MYZAP: variants seen among roughly 807,000 people sequenced by gnomAD.
The protein encoded by MYZAP is myocardial zonula adherens protein.
MYZAP carries 66 observed loss-of-function variants against 69.4 expected under a neutral mutation model. That is an observed-to-expected ratio of 0.95 (90% CI 0.78 to 1.17). The LOEUF (loss-of-function observed/expected upper bound fraction) is 1.17. MYZAP is among the 50% of genes most tolerant of loss of function. The pLI, the probability that MYZAP is intolerant of heterozygous loss-of-function variation, is 0.00. For synonymous variants in MYZAP, 256 were observed against 205.9 expected, an observed-to-expected ratio of 1.24 and a Z score of -2.09; for missense variants, 611 against 556.2, an observed-to-expected ratio of 1.10 and a Z score of -0.99.
At chr15:57,660,660 A>G (rs1377973393) in intron 10 of MYZAP, among the ~76,000 whole-genome samples, 1 of 152,166 alleles carries the variant, frequency 6.6e-6, no homozygotes, top group African/African-American at 2.4e-5. Flanking sequence ...CAAATTTAAT[A>G]TACAGGATTT....
chr15:57,665,845 T>C (rs1370762312), intron 11 of MYZAP, among the ~76,000 whole-genome samples: 2 of 152,210 alleles, frequency 1.3e-5, no homozygotes, highest in Non-Finnish European at 2.9e-5. Context: ...AATTTACTAG[T>C]GCACCATTAG....
In MYZAP at chr15:57,611,385, C is replaced by T. The variant is rs539851455; in HGVS notation, c.163-6648C>T. On this transcript the variant is annotated intron_variant, in intron 2 of 12. Coordinates refer to ENST00000267853, the MANE Select transcript of MYZAP (RefSeq NM_001018100.5). ...TTTACATTTTATCAGTCAAGGTTAC[C>T]GAAGGTGTGTACTATACCCCTGGGT... 3.2e-4 allele frequency among the ~76,000 whole-genome samples: 48 copies of T among 152,230 alleles called. 1 individual carries two copies. The South Asian group carries it at 8.7e-3, about 28-fold the overall frequency.
At chr15:57,678,898 C>T (rs980334849) in intron 12 of MYZAP, among the ~76,000 whole-genome samples, 3 of 151,790 alleles carry the variant, frequency 2.0e-5, no homozygotes, top group Admixed American at 6.6e-5. Context: ...ATTTAGTTGC[C>T]GGGTGTGGTG....
chr15:57,624,148 C>T lies in MYZAP; in HGVS notation c.412-1631C>T, dbSNP rs115437508. 7.0e-3 allele frequency among the ~76,000 whole-genome samples: 1,063 copies of T among 152,262 alleles called. 7 individuals are homozygous for T. Among genetic ancestry groups the T allele is most frequent in the African/African-American group, 0.023 (970 of 41,562 alleles). On this transcript the variant is annotated intron_variant, in intron 4 of 12. Transcript: ENST00000267853. Reference sequence around the variant, plus strand: ...TGAAAAATTTAAGAAAAATAACCTTCTTCTAGTTTAGCCAAGCTAATGCTT... The same window carrying T: ...TGAAAAATTTAAGAAAAATAACCTTTTTCTAGTTTAGCCAAGCTAATGCTT...
chr15:57,678,646 AC>A (rs2039264371), intron 12 of MYZAP, among the ~76,000 whole-genome samples: 1 of 151,874 alleles, frequency 6.6e-6, no homozygotes, highest in Admixed American at 6.6e-5. Flanking sequence ...CTCTCTAGAC[AC>A]CCCGTCTAGA....
chr15:57,618,890 T>C (rs551040680), intron 3 of MYZAP, among the ~76,000 whole-genome samples: 1 of 152,310 alleles, frequency 6.6e-6, no homozygotes, highest in Admixed American at 6.5e-5. Context: ...GATGGCCTGC[T>C]CTGACACTGA....
chr15:57,628,877 G>C (rs898973912), intron 5 of MYZAP, among the ~76,000 whole-genome samples: 3 of 152,080 alleles, frequency 2.0e-5, no homozygotes, highest in African/African-American at 7.2e-5. Context: ...GAGGTCAGGA[G>C]TTCGAGACCA....
intron 2 of MYZAP, among the ~76,000 whole-genome samples, chr15:57,614,123 G>C (rs990892095): frequency 6.6e-6 from 1 of 152,170 alleles, no homozygotes; most frequent in Non-Finnish European, 1.5e-5. Context: ...TTAACTGTCT[G>C]TTCCTCCATC....
intron 2 of MYZAP, among the ~76,000 whole-genome samples, chr15:57,611,523 A>G (rs1468615429): frequency 1.3e-5 from 2 of 152,052 alleles, no homozygotes; most frequent in African/African-American, 2.4e-5. Flanking sequence ...CTAGCTGCAC[A>G]CTAGTCTGCA....
intron 12 of MYZAP, among the ~76,000 whole-genome samples, chr15:57,681,107 A>C (rs987560952): frequency 3.9e-5 from 6 of 152,228 alleles, no homozygotes; most frequent in African/African-American, 1.4e-4. Flanking sequence ...GTTCACCTTT[A>C]TAAATATTTC....
chr15:57,679,417 C>T (rs1001678276), intron 12 of MYZAP, among the ~76,000 whole-genome samples: 1 of 150,680 alleles, frequency 6.6e-6, no homozygotes, highest in African/African-American at 2.4e-5. Flanking sequence ...AGAATATGAG[C>T]TCCATGAGGG....
intron 11 of MYZAP, among the ~76,000 whole-genome samples, chr15:57,663,478 G>T (rs2038412582): frequency 6.6e-6 from 1 of 152,210 alleles, no homozygotes. Context: ...CAATAGCGGT[G>T]CCATATCAAG....
intron 2 of MYZAP, among the ~76,000 whole-genome samples, chr15:57,609,362 T>C (rs2442073): frequency 0.07 from 10,692 of 152,276 alleles, 1,029 homozygotes; most frequent in African/African-American, 0.22. Context: ...TGGTGGTGCC[T>C]CCTCTGAAGG....
At chr15:57,605,774 G>A (rs2034703680) in intron 2 of MYZAP, among the ~76,000 whole-genome samples, 1 of 152,080 alleles carries the variant, frequency 6.6e-6, no homozygotes, top group Non-Finnish European at 1.5e-5. Flanking sequence ...AAGATGAGGG[G>A]GATATGGGAC....
chr15:57,617,917 C>A, intron 2 of MYZAP, 116 bp from the exon 3 acceptor site: 13 of 1,362,316 alleles, frequency 9.5e-6, no homozygotes, highest in Non-Finnish European at 1.2e-5. Flanking sequence ...TCTCCACTGC[C>A]AGGCAATGAG....
intron 2 of MYZAP, among the ~76,000 whole-genome samples, chr15:57,617,157 G>C (rs1290202804): frequency 6.6e-6 from 1 of 152,064 alleles, no homozygotes; most frequent in Non-Finnish European, 1.5e-5. Context: ...GTAGGTGTGT[G>C]TCCATAAGCA....
intron 6 of MYZAP, among the ~76,000 whole-genome samples, chr15:57,631,336 G>A (rs2036493508): frequency 6.6e-6 from 1 of 152,084 alleles, no homozygotes; most frequent in Admixed American, 6.5e-5. Context: ...CAATCTGGCT[G>A]CTTCCCTGGA....
At chr15:57,646,811 G>T (rs1181749183) in intron 10 of MYZAP, 37 of 985,292 alleles carry the variant, frequency 3.8e-5, no homozygotes, top group Non-Finnish European at 4.2e-5. Context: ...TGCCTGAATT[G>T]GTTCAACCAA....
Position 57,684,582 on chromosome 15 carries a change from G to A in MYZAP, c.*84G>A, listed in dbSNP as rs1186554066. The A allele has an allele frequency of 2.4e-6, 2 of 848,054 alleles. No individual in the cohort carries two copies. Among genetic ancestry groups the A allele is most frequent in the African/African-American group, 3.4e-5 (2 of 58,866 alleles). 52.5% of individuals were successfully genotyped at this position (848,054 alleles called of 1,614,324 possible). A position where few individuals can be genotyped will look rare whatever the true frequency, so the allele number is the denominator to read the frequency against. The stretch of plus-strand genomic sequence containing the variant: ...AAATCCTTTGGGAAGGGTGACTGTT[G>A]TTTCCCCTACACACAGTGTAAGCCG... On this transcript the variant is annotated 3_prime_UTR_variant, in exon 13 of 13. Transcript: ENST00000267853.
Sources: allele counts gnomAD v4.1 joint callset (sites outside exome capture counted in the v4.1 genomes callset), GRCh38; gene constraint gnomAD v4.1.1; transcripts MANE v1.5; gene names NCBI Gene and HGNC (gene_info 2026-07-23, HGNC 2026-07-21).